Variants in PLS3 observed in about 807,000 individuals in gnomAD.
PLS3 encodes the protein plastin 3, also known as plastin-3.
A neutral mutation model predicts 46.5 loss-of-function variants in PLS3; 11 were observed. The observed-to-expected ratio is 0.24, with a 90% CI of 0.15 to 0.39. The LOEUF is 0.39. Among genes scored for constraint, PLS3 ranks in the 10% least tolerant of loss-of-function variants. The pLI, the probability that PLS3 is intolerant of heterozygous loss-of-function variation, is 1.00. For missense variants in PLS3, 308 were observed against 461.8 expected, an observed-to-expected ratio of 0.67 and a Z score of 3.05; for synonymous variants, 167 against 162.2, an observed-to-expected ratio of 1.03 and a Z score of -0.22.
chrX:115,575,083 A>G (rs903523400), intron 1 of PLS3, among the ~76,000 whole-genome samples: 10 of 111,825 alleles, frequency 8.9e-5, no homozygotes, highest in African/African-American at 2.0e-4. Context: ...GACATTACAT[A>G]TAAATGGAGT....
intron 1 of PLS3, among the ~76,000 whole-genome samples, chrX:115,590,126 G>A (rs1431010749): frequency 9.0e-6 from 1 of 111,693 alleles, no homozygotes; most frequent in Non-Finnish European, 1.9e-5. Context: ...AAAGTGCTGG[G>A]ATTACAGGCC....
At chrX:115,644,872 T>G in intron 10 of PLS3, 149 bp from the exon 11 acceptor site, 1 of 395,253 alleles carries the variant, frequency 2.5e-6, no homozygotes. Context: ...AGAGAATGTA[T>G]GTACTTAGAA....
At chrX:115,599,320 T>A (rs1426973082) in intron 1 of PLS3, among the ~76,000 whole-genome samples, 1 of 86,348 alleles carries the variant, frequency 1.2e-5, no homozygotes, top group Non-Finnish European at 2.2e-5. Flanking sequence ...GGCAACATAG[T>A]GAGATCCTGT....
chrX:115,591,291 T>C (rs2074343800), intron 1 of PLS3, among the ~76,000 whole-genome samples: 1 of 112,540 alleles, frequency 8.9e-6, no homozygotes, highest in African/African-American at 3.2e-5. Context: ...GAAGTGACTT[T>C]AGAATTAGTA....
rs782783741 is a variant in PLS3, at chrX:115,632,392, C to T, written c.501-1608C>T. ...GGAGGATCCCTTGAGCCCAGGAGTTCGAGGCTGCAGTGATTCGAGCTACGA... is the reference window on the plus strand; with the variant it reads ...GGAGGATCCCTTGAGCCCAGGAGTTTGAGGCTGCAGTGATTCGAGCTACGA... On this transcript the variant is annotated intron_variant, in intron 5 of 15. Transcript: ENST00000355899. Among the ~76,000 whole-genome samples, 8 of 110,485 alleles carry T rather than the reference C, an allele frequency of 7.2e-5. No homozygotes were observed. In the East Asian group the frequency reaches 1.4e-3, roughly 20 times the overall value.
Position 115,635,054 on chromosome X carries a change from AAC to A in PLS3, c.748+12_748+13del. ...AATTAAGCAGGAATGAAGGTAATGG[AAC>A]ACAGTCATTCTGGCAGTTGTTTATT... On this transcript the variant is annotated intron_variant, in intron 7 of 15. Transcript: ENST00000355899. The A allele has an allele frequency of 5.0e-6, 6 of 1,192,490 alleles. No homozygotes were observed. The highest frequency in any genetic ancestry group is 6.8e-6 in the Non-Finnish European group (6 of 882,387).
rs782333836 is a variant in PLS3 at position 115,585,511 on chromosome X, C to T, written c.-9+24251C>T. Reference sequence around the variant, plus strand: ...GTTCAAGATTTTCTCCTGCCTCAGGCTCCTAAGTAGCTGGGATTACAGGCA... The same window carrying T: ...GTTCAAGATTTTCTCCTGCCTCAGGTTCCTAAGTAGCTGGGATTACAGGCA... On this transcript the variant is annotated intron_variant, in intron 1 of 15. Coordinates refer to ENST00000355899, the MANE Select transcript of PLS3 (RefSeq NM_005032.7). Among the ~76,000 whole-genome samples, 368 of 110,353 alleles carry T rather than the reference C, an allele frequency of 3.3e-3. 1 individual carries two copies. The highest frequency in any genetic ancestry group is 0.012 in the African/African-American group (352 of 30,326).
intron 3 of PLS3, among the ~76,000 whole-genome samples, chrX:115,627,390 T>G (rs2074722119): frequency 8.9e-6 from 1 of 111,831 alleles, no homozygotes; most frequent in East Asian, 2.8e-4. Context: ...TTGCAGGGAC[T>G]TGTGGTATGT....
chrX:115,609,534 C>G (rs2074528154), intron 1 of PLS3, among the ~76,000 whole-genome samples: 1 of 111,618 alleles, frequency 9.0e-6, no homozygotes, highest in Non-Finnish European at 1.9e-5. Context: ...AAAAATTTTC[C>G]TTTAATAACC....
rs908747889 is a variant in PLS3 at position 115,634,157 on chromosome X, C to T, written c.582+76C>T. 9 of 543,029 alleles carry T rather than the reference C, an allele frequency of 1.7e-5. No individual in the cohort carries two copies. The East Asian group carries it at 3.1e-4, about 18-fold the overall frequency. 44.8% of individuals were successfully genotyped at this position (543,029 alleles called of 1,213,427 possible). ...TGTTCTGCAGACTTCAGCCTCTGCA[C>T]TCTGTAGGCTCCCAATCAATCCTTG... On this transcript the variant is annotated intron_variant, in intron 6 of 15. Coordinates refer to ENST00000355899, the MANE Select transcript of PLS3 (RefSeq NM_005032.7).
At chrX:115,569,701 C>T (rs1603216526) in intron 1 of PLS3, among the ~76,000 whole-genome samples, 1 of 111,453 alleles carries the variant, frequency 9.0e-6, no homozygotes, top group South Asian at 3.8e-4. Context: ...TGCCATTTCA[C>T]AGACCCTTCC....
intron 1 of PLS3, among the ~76,000 whole-genome samples, chrX:115,607,600 G>A (rs2074506952): frequency 9.2e-6 from 1 of 108,726 alleles, no homozygotes; most frequent in Non-Finnish European, 1.9e-5. Flanking sequence ...CCAGGTTCAA[G>A]CGATTCTCCT....
At chrX:115,631,608 C>T (rs1364542098) in intron 5 of PLS3, among the ~76,000 whole-genome samples, 1 of 110,727 alleles carries the variant, frequency 9.0e-6, no homozygotes, top group Non-Finnish European at 1.9e-5. Flanking sequence ...GGTTGCACCC[C>T]TTTAGTCCCA....
At chrX:115,605,769 AG>A (rs1392764200) in intron 1 of PLS3, among the ~76,000 whole-genome samples, 2 of 111,867 alleles carry the variant, frequency 1.8e-5, no homozygotes, top group East Asian at 5.6e-4. Flanking sequence ...CTAATTTTAT[AG>A]GAAGAAAAAA....
In PLS3 at chrX:115,633,989, T is replaced by G. The variant is rs1556639793; in HGVS notation, c.501-11T>G. Reference sequence around the variant, plus strand: ...TTTTTACATCAGCCTTTTTTTAAATTTTTGTTTCAGTAAAATGATTAACCT... The same window carrying G: ...TTTTTACATCAGCCTTTTTTTAAATGTTTGTTTCAGTAAAATGATTAACCT... On this transcript the variant is annotated splice_polypyrimidine_tract_variant and intron_variant, in intron 5 of 15. Coordinates refer to ENST00000355899, the MANE Select transcript of PLS3 (RefSeq NM_005032.7). 2 of 1,004,298 alleles carry G rather than the reference T, an allele frequency of 2.0e-6. No homozygotes were observed. Among genetic ancestry groups the G allele is most frequent in the Admixed American group, 2.5e-5 (1 of 40,034 alleles). 82.8% of individuals were successfully genotyped at this position (1,004,298 alleles called of 1,213,427 possible).
intron 1 of PLS3, among the ~76,000 whole-genome samples, chrX:115,593,886 T>G (rs1236613882): frequency 9.0e-6 from 1 of 111,197 alleles, no homozygotes; most frequent in Non-Finnish European, 1.9e-5. Context: ...TTAGAGAATG[T>G]TTAGGGAGTT....
intron 9 of PLS3, 138 bp from the exon 10 acceptor site, chrX:115,643,175 C>T: frequency 1.8e-5 from 8 of 434,941 alleles, no homozygotes; most frequent in African/African-American, 2.5e-5. Context: ...TTTTTTTTTG[C>T]ATTCAAAACA....
rs782665410 is a variant in PLS3 at position 115,615,666 on chromosome X, T to A, written c.73+5343T>A. On this transcript the variant is annotated intron_variant, in intron 2 of 15. Coordinates refer to ENST00000355899, the MANE Select transcript of PLS3 (RefSeq NM_005032.7). ...TTTAAGTATCATAATTTTCTTCTTT[T>A]AAAAAAAAACGCTTTGTCAATTTAC... Among the ~76,000 whole-genome samples, 424 of 108,971 alleles carry A rather than the reference T, an allele frequency of 3.9e-3. 2 individuals are homozygous for A. The highest frequency in any genetic ancestry group is 0.013 in the African/African-American group (402 of 30,033). 94.6% of individuals were successfully genotyped at this position (108,971 alleles called of 115,157 possible). A position where few individuals can be genotyped will look rare whatever the true frequency, so the allele number is the denominator to read the frequency against.
intron 1 of PLS3, among the ~76,000 whole-genome samples, chrX:115,561,546 C>T (rs2074134827): frequency 8.9e-6 from 1 of 112,239 alleles, no homozygotes; most frequent in South Asian, 3.7e-4. Context: ...TGTTTTCTTA[C>T]TAGTTGCTCT....
Sources: allele counts gnomAD v4.1 joint callset (sites outside exome capture counted in the v4.1 genomes callset), GRCh38; gene constraint gnomAD v4.1.1; transcripts MANE v1.5; gene names NCBI Gene and HGNC (gene_info 2026-07-23, HGNC 2026-07-21).